The following ARSB variants were observed in gnomAD, a reference collection of about 807,000 sequenced individuals.
ARSB encodes the protein arylsulfatase B, also known as N-acetylgalactosamine-4-sulfatase.
In ARSB, 41 loss-of-function variants were observed where a neutral mutation model predicts 50.9. The observed-to-expected ratio is 0.81, with a 90% CI of 0.63 to 1.04. The LOEUF is 1.04. Ranked by LOEUF, ARSB falls within the 50% of genes least tolerant of loss-of-function variation. The probability of loss-of-function intolerance (pLI) is 0.00; values close to 1 mark genes in which losing one functional copy is unlikely to be tolerated. For missense variants in ARSB, 672 were observed against 693.3 expected (o/e 0.97, Z 0.35); for synonymous variants, 269 against 284.8 (o/e 0.94, Z 0.56).
At chr5:78,984,808 G>C (rs1171702173) in intron 1 of ARSB, 129 bp downstream of exon 1, 1 of 681,070 alleles carries the variant, frequency 1.5e-6, no homozygotes, top group African/African-American at 1.9e-5. Context: ...AAGCCGCCGG[G>C]ACCCATAACT....
Position 78,969,124 on chromosome 5 carries a change from T to A in ARSB, c.381A>T (p.Lys127Asn), listed in dbSNP as rs1374966466. 1 of 1,613,254 alleles carries A rather than the reference T, an allele frequency of 6.2e-7. No individual in the cohort carries two copies. Among genetic ancestry groups the A allele is most frequent in the Non-Finnish European group, 8.5e-7 (1 of 1,179,852 alleles). Residue 127 changes from lysine to asparagine, a missense_variant, in exon 2 of 8, where the codon AAA (lysine) becomes AAT (asparagine). Transcript: ENST00000264914. ...CTTCTTTTAGGAGCTGGGGCAGGAG[T>A]TTTTCATCCAGAGGAACACAGCTGG... ...CQPSCVPLDEKLLPQLLKEAG... is the reference protein window; with the variant it reads ...CQPSCVPLDENLLPQLLKEAG...
intron 4 of ARSB, among the ~76,000 whole-genome samples, chr5:78,952,629 A>G (rs1393511684): frequency 6.6e-6 from 1 of 152,038 alleles, no homozygotes; most frequent in Non-Finnish European, 1.5e-5. Flanking sequence ...CAGCCACCAG[A>G]CCCAGCCTCC....
chr5:78,899,557 G>C (rs1748711558), intron 4 of ARSB, among the ~76,000 whole-genome samples: 1 of 152,018 alleles, frequency 6.6e-6, no homozygotes, highest in African/African-American at 2.4e-5. Context: ...TCACACAGCT[G>C]GTTTTTGAGC....
intron 5 of ARSB, among the ~76,000 whole-genome samples, chr5:78,872,246 A>C (rs1747233792): frequency 1.3e-5 from 2 of 151,594 alleles, no homozygotes; most frequent in Non-Finnish European, 2.9e-5. Context: ...ACCATTGTGG[A>C]AGTCAGTGTG....
intron 4 of ARSB, among the ~76,000 whole-genome samples, chr5:78,918,528 GC>G (rs960913257): frequency 1.5e-4 from 22 of 150,838 alleles, no homozygotes; most frequent in Non-Finnish European, 3.2e-4. Flanking sequence ...ATTTTAAGTG[GC>G]AAAAATCTCA....
intron 6 of ARSB, among the ~76,000 whole-genome samples, chr5:78,784,201 GTA>G (rs1328742719): frequency 6.6e-6 from 1 of 152,156 alleles, no homozygotes; most frequent in Non-Finnish European, 1.5e-5. Context: ...CTTTAAAAAT[GTA>G]TGTGTGTACT....
rs1429981892 is a variant in ARSB at position 78,778,403 on chromosome 5, T to C, written c.*1994A>G. ...TTGCTACTGAATTGAAGGATGACTA[T>C]ACAAGGACTTATATCAGATTATTTG... On this transcript the variant is annotated 3_prime_UTR_variant, in exon 8 of 8. Coordinates refer to ENST00000264914, the MANE Select transcript of ARSB (RefSeq NM_000046.5). 1 of 150,430 alleles carries C rather than the reference T, an allele frequency of 6.6e-6. No homozygotes were observed. Among genetic ancestry groups the C allele is most frequent in the African/African-American group, 2.5e-5 (1 of 40,040 alleles). 9.3% of individuals were successfully genotyped at this position (150,430 alleles called of 1,614,324 possible).
chr5:78,938,597 T>G (rs1458289114), intron 4 of ARSB, among the ~76,000 whole-genome samples: 1 of 152,248 alleles, frequency 6.6e-6, no homozygotes, highest in Non-Finnish European at 1.5e-5. Flanking sequence ...CTAGCACATA[T>G]AACTTTGTTC....
intron 5 of ARSB, among the ~76,000 whole-genome samples, chr5:78,848,259 T>C (rs1284219602): frequency 1.9e-5 from 2 of 104,790 alleles, no homozygotes; most frequent in Non-Finnish European, 3.6e-5. Context: ...GATGTTCCCC[T>C]TCCTGTGTCC....
intron 4 of ARSB, among the ~76,000 whole-genome samples, chr5:78,888,150 T>C (rs1372423105): frequency 1.3e-5 from 2 of 152,190 alleles, no homozygotes; most frequent in Admixed American, 1.3e-4. Flanking sequence ...CATCACAGAC[T>C]TACAAGAATC....
intron 6 of ARSB, among the ~76,000 whole-genome samples, chr5:78,790,422 C>A (rs925691282): frequency 6.6e-6 from 1 of 152,146 alleles, no homozygotes; most frequent in Admixed American, 6.5e-5. Flanking sequence ...GTTATTACCA[C>A]CCGTGCAATC....
At chr5:78,894,838 G>T (rs1168262564) in intron 4 of ARSB, among the ~76,000 whole-genome samples, 1 of 152,182 alleles carries the variant, frequency 6.6e-6, no homozygotes, top group Non-Finnish European at 1.5e-5. Context: ...TCTGACCAGG[G>T]CATGCACAGT....
chr5:78,807,897 T>C (rs1490433586), intron 6 of ARSB, among the ~76,000 whole-genome samples: 1 of 151,182 alleles, frequency 6.6e-6, no homozygotes. Flanking sequence ...ATCGAGACCA[T>C]CCCGGCTAAA....
chr5:78,861,403 G>A (rs1468916029), intron 5 of ARSB, among the ~76,000 whole-genome samples: 2 of 152,016 alleles, frequency 1.3e-5, no homozygotes, highest in Non-Finnish European at 2.9e-5. Context: ...ACATCAAAAA[G>A]CTTATCCACC....
intron 6 of ARSB, among the ~76,000 whole-genome samples, chr5:78,823,272 A>C (rs546471098): frequency 1.3e-5 from 2 of 152,314 alleles, no homozygotes; most frequent in East Asian, 3.9e-4. Context: ...TTGGAGACAC[A>C]GTAACTGACC....
At chr5:78,835,895 G>T (rs1744931835) in intron 6 of ARSB, among the ~76,000 whole-genome samples, 1 of 152,108 alleles carries the variant, frequency 6.6e-6, no homozygotes, top group South Asian at 2.1e-4. Flanking sequence ...AAGCACCAAC[G>T]ATCTGGGAAG....
intron 1 of ARSB, among the ~76,000 whole-genome samples, chr5:78,979,281 A>C (rs1374741396): frequency 6.6e-6 from 1 of 152,246 alleles, no homozygotes; most frequent in Non-Finnish European, 1.5e-5. Context: ...AACTACAATT[A>C]AATACCACTT....
chr5:78,800,240 C>T (rs756374324), intron 6 of ARSB, among the ~76,000 whole-genome samples: 6 of 151,690 alleles, frequency 4.0e-5, no homozygotes, highest in Non-Finnish European at 8.8e-5. Flanking sequence ...ATTGCTTGAA[C>T]CCAGGAGGCA....
intron 6 of ARSB, chr5:78,783,481 A>G (rs1340945953): frequency 6.6e-6 from 1 of 152,188 alleles, no homozygotes; most frequent in African/African-American, 2.4e-5. Flanking sequence ...AGTCTCAACA[A>G]TCACACAGCA....
Sources: allele counts gnomAD v4.1 joint callset (sites outside exome capture counted in the v4.1 genomes callset), GRCh38; gene constraint gnomAD v4.1.1; transcripts MANE v1.5; gene names NCBI Gene and HGNC (gene_info 2026-07-23, HGNC 2026-07-21).